The following SRPK2 variants were observed in gnomAD, a reference collection of about 807,000 sequenced individuals.
The protein encoded by SRPK2 is SFRS protein kinase 2.
A neutral mutation model predicts 90.8 loss-of-function variants in SRPK2; 21 were observed. The observed-to-expected ratio is 0.23, with a 90% CI of 0.16 to 0.33. SRPK2 has a LOEUF of 0.33. Among genes scored for constraint, SRPK2 ranks in the 10% least tolerant of loss-of-function variants. The probability of loss-of-function intolerance (pLI) is 1.00; values close to 1 mark genes in which losing one functional copy is unlikely to be tolerated. For missense variants in SRPK2, 620 were observed against 869.0 expected (o/e 0.71, Z 3.60); for synonymous variants, 288 against 311.1 (o/e 0.93, Z 0.78).
At chr7:105,115,053 T>TG (rs376453317), downstream of SRPK2, among the ~76,000 whole-genome samples, 327 of 152,346 alleles carry the variant, frequency 2.1e-3, 4 homozygotes, top group African/African-American at 7.6e-3. Flanking sequence ...AATTCTTCAC[T>TG]GGCTTGAAAT....
At chr7:105,194,350 T>C (rs1385289773) in intron 3 of SRPK2, among the ~76,000 whole-genome samples, 3 of 151,980 alleles carry the variant, frequency 2.0e-5, no homozygotes, top group Non-Finnish European at 2.9e-5. Flanking sequence ...ACCTCATGCA[T>C]AAAAGAATGA....
intron 2 of SRPK2, among the ~76,000 whole-genome samples, chr7:105,379,848 C>T (rs1585980421): frequency 6.6e-6 from 1 of 151,922 alleles, no homozygotes; most frequent in African/African-American, 2.4e-5. Flanking sequence ...AGTGGTGGCA[C>T]GAGCCTGTAC....
chr7:105,131,846 T>C (rs1488621161), intron 13 of SRPK2, among the ~76,000 whole-genome samples: 1 of 152,014 alleles, frequency 6.6e-6, no homozygotes, highest in Non-Finnish European at 1.5e-5. Context: ...CAGTATGGAA[T>C]AGGAAAAGCA....
rs112682713 is a variant in SRPK2 at position 105,154,906 on chromosome 7, C to T, written c.621+5601G>A. ...GTCAGGCTGGTCTAGAACTCCTGACCTCATGATCTGCCCGCCTTGGCCTCC... is the reference window on the plus strand; with the variant it reads ...GTCAGGCTGGTCTAGAACTCCTGACTTCATGATCTGCCCGCCTTGGCCTCC... On this transcript the variant is annotated intron_variant, in intron 7 of 15. Transcript: ENST00000393651. 3.2e-3 allele frequency among the ~76,000 whole-genome samples: 490 copies of T among 151,700 alleles called. 4 individuals carry two copies. Among genetic ancestry groups the T allele is most frequent in the African/African-American group, 0.011 (472 of 41,356 alleles).
At chr7:105,334,242 T>C (rs1353667929) in intron 2 of SRPK2, among the ~76,000 whole-genome samples, 1 of 152,098 alleles carries the variant, frequency 6.6e-6, no homozygotes, top group Admixed American at 6.6e-5. Context: ...CCACCATGCC[T>C]CGCTAATGTT....
At chr7:105,244,785 C>T (rs1311996984) in intron 2 of SRPK2, 3 of 978,096 alleles carry the variant, frequency 3.1e-6, no homozygotes, top group Admixed American at 3.4e-5. Flanking sequence ...GACATGATCC[C>T]GGAGGCATGT....
chr7:105,392,110 A>G (rs778408432), upstream of SRPK2, among the ~76,000 whole-genome samples: 1 of 152,256 alleles, frequency 6.6e-6, no homozygotes, highest in African/African-American at 2.4e-5. Flanking sequence ...ACAAAATGTC[A>G]CATATTGTAT....
At chr7:105,133,137 T>C in intron 11 of SRPK2, 33 bp from the exon 12 acceptor site, 1 of 1,603,934 alleles carries the variant, frequency 6.2e-7, no homozygotes. Flanking sequence ...CAGTTAGTGA[T>C]CGGGATAGGT....
chr7:105,167,011 A>G (rs1790155433), intron 6 of SRPK2, among the ~76,000 whole-genome samples: 1 of 152,238 alleles, frequency 6.6e-6, no homozygotes, highest in Admixed American at 6.5e-5. Flanking sequence ...ACTGGGGCAC[A>G]CACAGATTGT....
In SRPK2 at chr7:105,139,783, T is replaced by A. The variant is rs570534686; in HGVS notation, c.1543+2225A>T. The stretch of plus-strand genomic sequence containing the variant: ...ATTTAATTCAGTGCTACTAACAACC[T>A]TAGAGGTAGCCATTTCTTTCTTTTG... On this transcript the variant is annotated intron_variant, in intron 11 of 15. Coordinates refer to ENST00000393651, the MANE Select transcript of SRPK2 (RefSeq NM_182692.3). 2.6e-5 allele frequency among the ~76,000 whole-genome samples: 4 copies of A among 152,264 alleles called. No individual in the cohort carries two copies. The South Asian group carries it at 8.3e-4, about 32-fold the overall frequency.
In SRPK2 at chr7:105,117,170, C is replaced by A. The variant is rs546107634; in HGVS notation, c.*668G>T. 6.6e-6 allele frequency: 1 copy of A among 152,238 alleles called. No individual in the cohort carries two copies. The highest frequency in any genetic ancestry group is 2.1e-4 in the South Asian group (1 of 4,830). 9.4% of individuals were successfully genotyped at this position (152,238 alleles called of 1,614,324 possible). A position where few individuals can be genotyped will look rare whatever the true frequency, so the allele number is the denominator to read the frequency against. On this transcript the variant is annotated 3_prime_UTR_variant, in exon 16 of 16. Transcript: ENST00000393651. Reference sequence around the variant, plus strand: ...CCATATAGAGAATGACATCTTATAACCCAGAGCCACTTTGTTTAAAATCCA... The same window carrying A: ...CCATATAGAGAATGACATCTTATAAACCAGAGCCACTTTGTTTAAAATCCA...
intron 7 of SRPK2, among the ~76,000 whole-genome samples, chr7:105,157,985 G>C (rs920208387): frequency 1.3e-5 from 2 of 152,152 alleles, no homozygotes; most frequent in Non-Finnish European, 2.9e-5. Context: ...AGGATCACTA[G>C]AGCCCAGGAG....
At chr7:105,217,057 C>T (rs955797275) in intron 2 of SRPK2, among the ~76,000 whole-genome samples, 1 of 152,158 alleles carries the variant, frequency 6.6e-6, no homozygotes, top group Non-Finnish European at 1.5e-5. Flanking sequence ...CCAATAAATA[C>T]ACCTTGATAC....
intron 2 of SRPK2, among the ~76,000 whole-genome samples, chr7:105,253,772 A>T (rs1233515575): frequency 6.6e-6 from 1 of 152,234 alleles, no homozygotes; most frequent in African/African-American, 2.4e-5. Context: ...GAACAAAATT[A>T]AGTAGTAATT....
intron 8 of SRPK2, among the ~76,000 whole-genome samples, chr7:105,145,904 T>A (rs1463263591): frequency 6.6e-6 from 1 of 152,074 alleles, no homozygotes; most frequent in African/African-American, 2.4e-5. Context: ...CCCTTTAGTA[T>A]CCATGCTTGC....
chr7:105,253,723 C>A (rs1802808901), intron 2 of SRPK2, among the ~76,000 whole-genome samples: 2 of 151,994 alleles, frequency 1.3e-5, no homozygotes, highest in African/African-American at 4.8e-5. Flanking sequence ...AAGGTCTTGA[C>A]CAAAAAGGTG....
Position 105,203,916 on chromosome 7 carries a change from C to T in SRPK2, c.72-131G>A, listed in dbSNP as rs57280586. 9.0e-3 allele frequency: 10,238 copies of T among 1,139,288 alleles called. 713 individuals carry two copies. The African/African-American group carries it at 0.14, about 16-fold the overall frequency. The allele number at this position is 1,139,288 out of a possible 1,614,324, so 70.6% of individuals were successfully genotyped here. A position where few individuals can be genotyped will look rare whatever the true frequency, so the allele number is the denominator to read the frequency against. On this transcript the variant is annotated intron_variant, in intron 2 of 15. Coordinates refer to ENST00000393651, the MANE Select transcript of SRPK2 (RefSeq NM_182692.3). ...ACTAAGAAGAAATGTCATTTAATGT[C>T]ACTTCACCCATTTTAGTTGAATTCA...
At chr7:105,146,036 G>T (rs558480322) in intron 8 of SRPK2, among the ~76,000 whole-genome samples, 20 of 152,264 alleles carry the variant, frequency 1.3e-4, no homozygotes, top group Admixed American at 7.2e-4. Context: ...CAGGTCACTT[G>T]ATCTTCTTCC....
rs567099366 is a variant in SRPK2, at chr7:105,185,627, G to A, written c.230-16362C>T. Among the ~76,000 whole-genome samples, 6 of 152,140 alleles carry A rather than the reference G, an allele frequency of 3.9e-5. No homozygotes were observed. The East Asian group carries it at 1.2e-3, about 29-fold the overall frequency. On this transcript the variant is annotated intron_variant, in intron 3 of 15. Transcript: ENST00000393651. The stretch of plus-strand genomic sequence containing the variant: ...GAAATTCTTAATTATTCTAAAAAAT[G>A]AGAAAGAGAAAAAAGGTCTTAGAGA...
Sources: gnomAD v4.1 joint callset for allele counts (sites outside exome capture counted in the v4.1 genomes callset) on GRCh38, gnomAD v4.1.1 for gene constraint, MANE v1.5 for transcripts, NCBI Gene and HGNC (gene_info 2026-07-23, HGNC 2026-07-21) for gene names.